ATAD5: variants seen among roughly 807,000 people sequenced by gnomAD.
ATAD5 encodes the protein ATPase family AAA domain-containing protein 5.
A neutral mutation model predicts 176.9 loss-of-function variants in ATAD5; 58 were observed. That is an observed-to-expected ratio of 0.33 (90% confidence interval 0.27 to 0.41). ATAD5 has a LOEUF of 0.41. ATAD5 is among the 10% of genes least tolerant of loss of function. ATAD5 has a pLI of 1.00. For missense variants in ATAD5, 1,789 were observed against 2,094.1 expected (o/e 0.85, Z 2.84); for synonymous variants, 640 against 712.6 (o/e 0.90, Z 1.62).
chr17:30,844,952 T>G (rs1407922959), intron 6 of ATAD5, 36 bp downstream of exon 6: 1 of 1,484,460 alleles, frequency 6.7e-7, no homozygotes, highest in Admixed American at 2.2e-5. Context: ...GCCAAAATAT[T>G]TTATAGAATG....
At chr17:30,879,314 T>G (rs901369279) in intron 17 of ATAD5, 109 bp from the exon 18 acceptor site, 2 of 1,236,160 alleles carry the variant, frequency 1.6e-6, no homozygotes, top group Non-Finnish European at 2.3e-6. Flanking sequence ...TAGGCAGTGG[T>G]GGGGAGGCGG....
chr17:30,873,411 A>G (rs143994025), intron 14 of ATAD5, among the ~76,000 whole-genome samples: 3,998 of 148,844 alleles, frequency 0.027, 197 homozygotes, highest in African/African-American at 0.094. Flanking sequence ...TCCGTCTCCC[A>G]GGTTCAAGTG....
At chr17:30,866,783 C>T (rs9901384) in intron 11 of ATAD5, among the ~76,000 whole-genome samples, 15,963 of 152,044 alleles carry the variant, frequency 0.1, 952 homozygotes, top group South Asian at 0.24. Context: ...CCAGTGCACT[C>T]CAGCCTGGGC....
intron 10 of ATAD5, chr17:30,864,428 T>A (rs1907852823): frequency 6.6e-6 from 1 of 152,266 alleles, no homozygotes; most frequent in Non-Finnish European, 1.5e-5. Flanking sequence ...GATTTGGACT[T>A]CAATTGAACC....
chr17:30,883,124 ATTTTT>A (rs869117449), intron 18 of ATAD5, among the ~76,000 whole-genome samples: 2 of 137,410 alleles, frequency 1.5e-5, no homozygotes, highest in South Asian at 4.6e-4. Context: ...TAAACACCAG[ATTTTT>A]TTTTTTTTTT....
intron 18 of ATAD5, among the ~76,000 whole-genome samples, chr17:30,884,395 T>C (rs543512931): frequency 1.3e-5 from 2 of 151,612 alleles, no homozygotes; most frequent in Admixed American, 6.6e-5. Context: ...GCTTACAGTG[T>C]TTTACTTGCA....
At chr17:30,844,162 T>G (rs919880191) in intron 5 of ATAD5, 123 bp downstream of exon 5, 2 of 918,648 alleles carry the variant, frequency 2.2e-6, no homozygotes, top group African/African-American at 3.5e-5. Flanking sequence ...GGAGTCTCGC[T>G]TTGTCACTCA....
chr17:30,874,186 C>T (rs1908514329), intron 14 of ATAD5, among the ~76,000 whole-genome samples: 1 of 147,698 alleles, frequency 6.8e-6, no homozygotes, highest in Non-Finnish European at 1.5e-5. Context: ...ATAAATAAAA[C>T]CAGTCTTTGG....
Position 30,894,967 on chromosome 17 carries a change from T to A in ATAD5, c.*54T>A. 1.7e-6 allele frequency: 2 copies of A among 1,180,716 alleles called. No individual in the cohort carries two copies. Among genetic ancestry groups the A allele is most frequent in the South Asian group, 1.8e-5 (1 of 57,064 alleles). 73.1% of individuals were successfully genotyped at this position (1,180,716 alleles called of 1,614,324 possible). On this transcript the variant is annotated 3_prime_UTR_variant, in exon 23 of 23. Transcript: ENST00000321990. ...ATTATCATGTGGTCCTTAAGATACA[T>A]TTTTATATTATGTGGATCTTCATGG...
chr17:30,870,730 GTGT>G (rs1196975139), intron 14 of ATAD5, among the ~76,000 whole-genome samples: 1 of 152,020 alleles, frequency 6.6e-6, no homozygotes, highest in Non-Finnish European at 1.5e-5. Flanking sequence ...GTGAGTTTTT[GTGT>G]AGTTTAATTT....
intron 18 of ATAD5, among the ~76,000 whole-genome samples, chr17:30,881,065 CT>C (rs888862394): frequency 6.7e-6 from 1 of 149,024 alleles, no homozygotes; most frequent in African/African-American, 2.5e-5. Context: ...GTGTATATGT[CT>C]TTTTTTCTTA....
chr17:30,836,134 T>G (rs934869018), intron 2 of ATAD5, 86 bp downstream of exon 2: 20 of 1,200,446 alleles, frequency 1.7e-5, no homozygotes, highest in Middle Eastern at 5.7e-4. Context: ...TGGAGGGTAT[T>G]TTTTTTTCTA....
In ATAD5 at chr17:30,835,821, A is replaced by G; in HGVS notation, c.1740A>G (p.Glu580=). 6.2e-7 allele frequency: 1 copy of G among 1,613,350 alleles called. No individual in the cohort carries two copies. Among genetic ancestry groups the G allele is most frequent in the Non-Finnish European group, 8.5e-7 (1 of 1,179,798 alleles). ...KDIKLTQSKA[E]SEASLLNVST... The stretch of plus-strand genomic sequence containing the variant: ...TTAAGCTTACACAGTCTAAAGCTGA[A>G]TCTGAAGCCAGCTTGCTAAATGTTT... The change falls in exon 2 of 23, where the codon GAA becomes GAG. Residue 580 remains glutamate, a synonymous_variant. Transcript: ENST00000321990.
In ATAD5 at chr17:30,867,130, T is replaced by C. The variant is rs540804848; in HGVS notation, c.3234-1203T>C. Among the ~76,000 whole-genome samples the C allele has an allele frequency of 2.7e-5, 4 of 150,296 alleles. No homozygotes were observed. In the East Asian group the frequency reaches 7.8e-4, roughly 29 times the overall value. ...ATGGTACTGTGAGCAGTGGGTACAG[T>C]GGCTCAAGCCTGTAATCCCAGTGCT... On this transcript the variant is annotated intron_variant, in intron 11 of 22. Coordinates refer to ENST00000321990, the MANE Select transcript of ATAD5 (RefSeq NM_024857.5).
At chr17:30,855,686 ACTTAATT>A (rs1907255139) in intron 7 of ATAD5, among the ~76,000 whole-genome samples, 1 of 151,898 alleles carries the variant, frequency 6.6e-6, no homozygotes, top group African/African-American at 2.4e-5. Flanking sequence ...TAGCTAACTA[ACTTAATT>A]AATTAATTAA....
chr17:30,866,992 A>G (rs185674282), intron 11 of ATAD5, among the ~76,000 whole-genome samples: 193 of 152,294 alleles, frequency 1.3e-3, no homozygotes, highest in Non-Finnish European at 2.2e-3. Context: ...TTACGGACCC[A>G]TAATTACAGT....
At position 30,835,803 on chromosome 17, in the gene ATAD5, T is replaced by C. The variant is rs1409878454; in HGVS notation, c.1722T>C (p.Leu574=). ...KTSIPVKDIK[L]TQSKAESEAS... ...GCATACCAGTTAAAGATATTAAGCT[T>C]ACACAGTCTAAAGCTGAATCTGAAG... The change falls in exon 2 of 23, where the codon CTT becomes CTC. Residue 574 remains leucine, a synonymous_variant. Transcript: ENST00000321990. 6.2e-7 allele frequency: 1 copy of C among 1,613,552 alleles called. No homozygotes were observed. Among genetic ancestry groups the C allele is most frequent in the East Asian group, 2.2e-5 (1 of 44,868 alleles).
intron 2 of ATAD5, among the ~76,000 whole-genome samples, chr17:30,836,933 A>G (rs564169951): frequency 6.6e-6 from 1 of 152,296 alleles, no homozygotes; most frequent in East Asian, 1.9e-4. Flanking sequence ...CCTGTTTCAG[A>G]ACATTCCAGA....
At chr17:30,865,198 A>C (rs962395552) in intron 10 of ATAD5, among the ~76,000 whole-genome samples, 2 of 137,558 alleles carry the variant, frequency 1.5e-5, no homozygotes, top group African/African-American at 5.5e-5. Context: ...TTTGAGACGG[A>C]GTCTCGCTCT....
Sources: gnomAD v4.1 joint callset for allele counts (sites outside exome capture counted in the v4.1 genomes callset) on GRCh38, gnomAD v4.1.1 for gene constraint, MANE v1.5 for transcripts, NCBI Gene and HGNC (gene_info 2026-07-23, HGNC 2026-07-21) for gene names.